The following LRRC4C variants were observed in gnomAD, a reference collection of about 807,000 sequenced individuals.
LRRC4C encodes the protein leucine-rich repeat-containing protein 4C.
LRRC4C carries 5 observed loss-of-function variants against 33.6 expected under a neutral mutation model. The observed-to-expected ratio is 0.15, with a 90% CI of 0.08 to 0.31. The LOEUF (loss-of-function observed/expected upper bound fraction) is 0.31, where lower values mean the gene tolerates loss of function less well. Ranked by LOEUF, LRRC4C falls within the 10% of genes least tolerant of loss-of-function variation. The probability of loss-of-function intolerance (pLI) is 1.00; values close to 1 mark genes in which losing one functional copy is unlikely to be tolerated. For missense variants in LRRC4C, 560 were observed against 796.7 expected (o/e 0.70, Z 3.58); for synonymous variants, 329 against 302.0 (o/e 1.09, Z -0.93).
intron 5 of LRRC4C, among the ~76,000 whole-genome samples, chr11:40,240,770 A>G (rs1207168232): frequency 2.6e-5 from 4 of 152,162 alleles, no homozygotes; most frequent in African/African-American, 9.7e-5. Flanking sequence ...GAACATTTTT[A>G]GTAATGAGTA....
At chr11:41,307,079 A>T (rs1257907726) in intron 1 of LRRC4C, among the ~76,000 whole-genome samples, 1 of 152,226 alleles carries the variant, frequency 6.6e-6, no homozygotes, top group East Asian at 1.9e-4. Context: ...TCAAGAGAAA[A>T]GGAATCATGC....
At chr11:41,073,923 C>G (rs2135439514) in intron 1 of LRRC4C, among the ~76,000 whole-genome samples, 1 of 152,232 alleles carries the variant, frequency 6.6e-6, no homozygotes, top group Admixed American at 6.5e-5. Context: ...TACATAATCA[C>G]AGTAAATGAG....
intron 1 of LRRC4C, among the ~76,000 whole-genome samples, chr11:41,279,662 C>T (rs1178669885): frequency 6.6e-6 from 1 of 152,146 alleles, no homozygotes; most frequent in Non-Finnish European, 1.5e-5. Context: ...CTTATCTCTG[C>T]CTCTAATCCA....
intron 1 of LRRC4C, among the ~76,000 whole-genome samples, chr11:41,215,066 G>T (rs1362444061): frequency 2.7e-5 from 4 of 146,414 alleles, no homozygotes; most frequent in Non-Finnish European, 6.0e-5. Context: ...GGTTTACTGA[G>T]ATATAATTTA....
chr11:41,410,081 C>T (rs998275511), intron 1 of LRRC4C, among the ~76,000 whole-genome samples: 1 of 152,094 alleles, frequency 6.6e-6, no homozygotes, highest in Non-Finnish European at 1.5e-5. Context: ...CTATGTAGGC[C>T]CCAGGCCTCA....
intron 1 of LRRC4C, among the ~76,000 whole-genome samples, chr11:40,956,952 G>A (rs1354375695): frequency 1.3e-5 from 2 of 151,738 alleles, no homozygotes; most frequent in Non-Finnish European, 2.9e-5. Context: ...TTGGTTCCCA[G>A]TGCATAAAGG....
chr11:40,718,829 G>A (rs938608504), intron 2 of LRRC4C, among the ~76,000 whole-genome samples: 5 of 151,960 alleles, frequency 3.3e-5, no homozygotes, highest in African/African-American at 1.2e-4. Context: ...AAGGAAACTG[G>A]GCACTGAGCA....
intron 5 of LRRC4C, among the ~76,000 whole-genome samples, chr11:40,156,215 G>T (rs1301415488): frequency 6.6e-6 from 1 of 152,056 alleles, no homozygotes; most frequent in Admixed American, 6.6e-5. Context: ...TGTAATAAAA[G>T]CCATCTATGA....
intron 2 of LRRC4C, among the ~76,000 whole-genome samples, chr11:40,819,115 T>A (rs904871263): frequency 3.3e-5 from 5 of 152,138 alleles, no homozygotes; most frequent in African/African-American, 1.2e-4. Flanking sequence ...TTCTTTACAT[T>A]AGGTTTCAAA....
At chr11:41,002,678 C>T (rs922021686) in intron 1 of LRRC4C, among the ~76,000 whole-genome samples, 2 of 152,034 alleles carry the variant, frequency 1.3e-5, no homozygotes, top group African/African-American at 4.8e-5. Context: ...AGTAGCATGC[C>T]TTAATATTTC....
At chr11:40,380,688 T>C (rs1020675653) in intron 3 of LRRC4C, among the ~76,000 whole-genome samples, 1 of 152,246 alleles carries the variant, frequency 6.6e-6, no homozygotes, top group Admixed American at 6.5e-5. Context: ...TGTAAGGTTA[T>C]CTGCTGAGAT....
chr11:40,962,723 C>T (rs10837534), intron 1 of LRRC4C, among the ~76,000 whole-genome samples: 36,822 of 151,506 alleles, frequency 0.24, 4,891 homozygotes, highest in Middle Eastern at 0.32. Context: ...ATAGAAAGAT[C>T]TACTTATGCT....
At chr11:41,071,684 C>A (rs1203074101) in intron 1 of LRRC4C, among the ~76,000 whole-genome samples, 1 of 152,180 alleles carries the variant, frequency 6.6e-6, no homozygotes, top group Non-Finnish European at 1.5e-5. Context: ...GGCCAAGAAA[C>A]AATTTTGACT....
intron 3 of LRRC4C, among the ~76,000 whole-genome samples, chr11:40,583,033 C>T (rs572473414): frequency 1.3e-5 from 2 of 152,236 alleles, no homozygotes; most frequent in East Asian, 3.9e-4. Flanking sequence ...GGTAATACTA[C>T]CGTGCTACCA....
intron 1 of LRRC4C, among the ~76,000 whole-genome samples, chr11:41,008,204 A>G (rs1854909714): frequency 2.6e-5 from 4 of 151,992 alleles, no homozygotes; most frequent in Admixed American, 2.6e-4. Flanking sequence ...TGCTTTCTCT[A>G]CAATCCATAC....
intron 1 of LRRC4C, among the ~76,000 whole-genome samples, chr11:41,091,751 T>C (rs1262730249): frequency 6.6e-6 from 1 of 152,192 alleles, no homozygotes; most frequent in Non-Finnish European, 1.5e-5. Flanking sequence ...ATATTTCTTC[T>C]ATTTTTATTA....
intron 1 of LRRC4C, among the ~76,000 whole-genome samples, chr11:41,366,162 G>A (rs1220076843): frequency 6.6e-6 from 1 of 151,566 alleles, no homozygotes; most frequent in Non-Finnish European, 1.5e-5. Flanking sequence ...GTGCCTGTTT[G>A]TATGTGTTTA....
intron 2 of LRRC4C, among the ~76,000 whole-genome samples, chr11:40,816,542 T>C (rs1008451995): frequency 2.0e-5 from 3 of 152,346 alleles, no homozygotes; most frequent in Admixed American, 1.3e-4. Context: ...CACACCTTGA[T>C]TCATTTATAA....
chr11:40,475,428 C>T (rs142683750), intron 3 of LRRC4C, among the ~76,000 whole-genome samples: 1 of 151,982 alleles, frequency 6.6e-6, no homozygotes, highest in Non-Finnish European at 1.5e-5. Flanking sequence ...AGGGAGGGGA[C>T]CATCACACAC....
Sources: allele counts gnomAD v4.1 joint callset (sites outside exome capture counted in the v4.1 genomes callset), GRCh38; gene constraint gnomAD v4.1.1; transcripts MANE v1.5; gene names NCBI Gene and HGNC (gene_info 2026-07-23, HGNC 2026-07-21).